CHLSN: variants seen among roughly 807,000 people sequenced by gnomAD.
CHLSN encodes protein cholesin.
At chr7:988,763 G>T in the CHLSN span, 1 of 1,598,460 alleles carries the variant, frequency 6.3e-7, no homozygotes, top group Non-Finnish European at 8.5e-7. Context: ...CACCACGCCC[G>T]CCCGGGCTTT....
At chr7:998,896 A>C in the CHLSN span, among the ~76,000 whole-genome samples, 1 of 152,168 alleles carries the variant, frequency 6.6e-6, no homozygotes, top group East Asian at 1.9e-4. Context: ...TTAGCTTTTA[A>C]ATTTAAGTCT....
chr7:1,002,043 G>A, the CHLSN span, among the ~76,000 whole-genome samples: 5 of 122,440 alleles, frequency 4.1e-5, no homozygotes, highest in Admixed American at 3.9e-4. Flanking sequence ...GTGGGTTAGT[G>A]GAGTCCTGCG....
the CHLSN span, among the ~76,000 whole-genome samples, chr7:1,128,714 C>T: frequency 6.2e-5 from 2 of 32,434 alleles, no homozygotes. Context: ...TGCAGTGGCA[C>T]GATCTCGGCT....
At chr7:1,008,903 T>C in the CHLSN span, among the ~76,000 whole-genome samples, 2,434 of 150,474 alleles carry the variant, frequency 0.016, 61 homozygotes, top group African/African-American at 0.053. Context: ...TGCACACACG[T>C]ACACAACACA....
chr7:1,086,430 G>A, the CHLSN span, among the ~76,000 whole-genome samples: 6 of 152,108 alleles, frequency 3.9e-5, no homozygotes, highest in Non-Finnish European at 8.8e-5. Flanking sequence ...AATACAAAAA[G>A]GTACATATTA....
the CHLSN span, chr7:984,641 G>A: frequency 6.6e-7 from 1 of 1,504,194 alleles, no homozygotes; most frequent in South Asian, 1.2e-5. Context: ...GGAGGGGTGG[G>A]GGCTCCAGCA....
At chr7:1,065,277 C>T in the CHLSN span, among the ~76,000 whole-genome samples, 1 of 152,112 alleles carries the variant, frequency 6.6e-6, no homozygotes, top group Non-Finnish European at 1.5e-5. Flanking sequence ...CAAAATTAAA[C>T]ATGGTTAACA....
chr7:1,033,966 G>A, the CHLSN span, among the ~76,000 whole-genome samples: 2 of 152,234 alleles, frequency 1.3e-5, no homozygotes, highest in East Asian at 1.9e-4. Flanking sequence ...CTGGCCGGGG[G>A]CCACAGGCAG....
At chr7:1,022,703 T>C in the CHLSN span, among the ~76,000 whole-genome samples, 20 of 152,276 alleles carry the variant, frequency 1.3e-4, no homozygotes, top group South Asian at 3.7e-3. Context: ...TTTACTCTTA[T>C]TCTGCAAAAT....
At chr7:1,133,897 C>T in the CHLSN span, among the ~76,000 whole-genome samples, 3 of 152,114 alleles carry the variant, frequency 2.0e-5, no homozygotes, top group Non-Finnish European at 4.4e-5. Context: ...GCCTCGACCA[C>T]CCAGGCTCAA....
At chr7:1,100,494 A>G in the CHLSN span, among the ~76,000 whole-genome samples, 1 of 152,186 alleles carries the variant, frequency 6.6e-6, no homozygotes, top group Non-Finnish European at 1.5e-5. Context: ...CTTCTGTCTG[A>G]GCCTGGGGAG....
chr7:1,070,726 A>C, the CHLSN span, among the ~76,000 whole-genome samples: 3 of 151,252 alleles, frequency 2.0e-5, no homozygotes, highest in Non-Finnish European at 4.4e-5. Flanking sequence ...ACACGCGCAC[A>C]CATGCACGCA....
At chr7:1,046,732 G>T in the CHLSN span, among the ~76,000 whole-genome samples, 2 of 152,202 alleles carry the variant, frequency 1.3e-5, no homozygotes, top group African/African-American at 4.8e-5. Flanking sequence ...GCAGGTGTCT[G>T]TTCATCCCCA....
At chr7:985,387 G>A in the CHLSN span, 1 of 1,516,056 alleles carries the variant, frequency 6.6e-7, no homozygotes, top group Middle Eastern at 1.9e-4. Context: ...TGCAGCAGGA[G>A]GACGGGGGCC....
chr7:1,014,091 G>A, the CHLSN span, among the ~76,000 whole-genome samples: 1 of 152,106 alleles, frequency 6.6e-6, no homozygotes, highest in Non-Finnish European at 1.5e-5. Context: ...CAAGCAACGC[G>A]GCACTCGTGC....
the CHLSN span, among the ~76,000 whole-genome samples, chr7:1,007,942 G>A: frequency 6.6e-6 from 1 of 152,104 alleles, no homozygotes; most frequent in Non-Finnish European, 1.5e-5. Flanking sequence ...GCCACGTGGT[G>A]GAGCGGATGG....
the CHLSN span, chr7:1,093,333 C>T: frequency 2.4e-6 from 1 of 422,346 alleles, no homozygotes; most frequent in South Asian, 1.8e-5. Context: ...AGCTGGACGT[C>T]GCGGTGTGTC....
the CHLSN span, among the ~76,000 whole-genome samples, chr7:996,712 A>G: frequency 1.3e-5 from 2 of 151,992 alleles, no homozygotes; most frequent in Non-Finnish European, 2.9e-5. Context: ...ACCTCACATC[A>G]CTTGGGGGCA....
At chr7:987,668 TC>T in the CHLSN span, 1 of 894,806 alleles carries the variant, frequency 1.1e-6, no homozygotes, top group Non-Finnish European at 1.6e-6. Context: ...ATAAAGGGCG[TC>T]CAGCCAGGAG....
Sources: allele counts gnomAD v4.1 joint callset (sites outside exome capture counted in the v4.1 genomes callset), GRCh38; gene constraint gnomAD v4.1.1; transcripts MANE v1.5; gene names NCBI Gene and HGNC (gene_info 2026-07-23, HGNC 2026-07-21).